KCNH7: variants seen among roughly 807,000 people sequenced by gnomAD.
The protein encoded by KCNH7 is potassium voltage-gated channel subfamily H member 7.
KCNH7 carries 49 observed loss-of-function variants against 120.8 expected under a neutral mutation model. That is an observed-to-expected ratio of 0.41 (90% CI 0.32 to 0.51). KCNH7 has a LOEUF of 0.51. KCNH7 is among the 20% of genes least tolerant of loss of function. The pLI, the probability that KCNH7 is intolerant of heterozygous loss-of-function variation, is 0.38. For missense variants in KCNH7, 1,097 were observed against 1,446.6 expected (o/e 0.76, Z 3.92); for synonymous variants, 547 against 516.1 (o/e 1.06, Z -0.81).
chr2:162,568,846 A>G (rs1266657351), intron 2 of KCNH7, among the ~76,000 whole-genome samples: 1 of 152,036 alleles, frequency 6.6e-6, no homozygotes, highest in Non-Finnish European at 1.5e-5. Flanking sequence ...TAATTTTAAA[A>G]GATGCTATGA....
intron 2 of KCNH7, among the ~76,000 whole-genome samples, chr2:162,561,399 T>C (rs1693058916): frequency 1.3e-5 from 2 of 152,330 alleles, no homozygotes; most frequent in South Asian, 4.1e-4. Flanking sequence ...ATCCTTTGGG[T>C]ATATACCCAG....
intron 6 of KCNH7, among the ~76,000 whole-genome samples, chr2:162,462,264 A>C (rs1558958167): frequency 6.6e-6 from 1 of 152,074 alleles, no homozygotes; most frequent in Non-Finnish European, 1.5e-5. Flanking sequence ...GTGAGCAAGC[A>C]CATACTACTC....
chr2:162,612,714 C>G (rs976767795), intron 2 of KCNH7, among the ~76,000 whole-genome samples: 3 of 151,742 alleles, frequency 2.0e-5, no homozygotes, highest in African/African-American at 7.3e-5. Flanking sequence ...AATTTAGTGA[C>G]TGAGTATATA....
intron 9 of KCNH7, among the ~76,000 whole-genome samples, chr2:162,414,596 A>G (rs1048309006): frequency 2.0e-5 from 3 of 151,948 alleles, no homozygotes; most frequent in Non-Finnish European, 2.9e-5. Context: ...TTTAGATTAA[A>G]TTATGCAACT....
intron 2 of KCNH7, among the ~76,000 whole-genome samples, chr2:162,627,113 A>G (rs887080676): frequency 6.6e-6 from 1 of 152,186 alleles, no homozygotes; most frequent in African/African-American, 2.4e-5. Context: ...ACTGAAGTGT[A>G]TCCTCTCACA....
chr2:162,468,457 G>T (rs538056665), intron 6 of KCNH7, among the ~76,000 whole-genome samples: 3 of 142,252 alleles, frequency 2.1e-5, no homozygotes, highest in African/African-American at 5.2e-5. Flanking sequence ...CTTGGCAGAA[G>T]AATTTAATTT....
chr2:162,785,967 G>A (rs532102017), intron 2 of KCNH7, among the ~76,000 whole-genome samples: 18 of 152,170 alleles, frequency 1.2e-4, no homozygotes, highest in African/African-American at 3.9e-4. Context: ...TATGGGCTGG[G>A]CGCGGTGGCT....
intron 2 of KCNH7, among the ~76,000 whole-genome samples, chr2:162,743,135 C>T (rs752245485): frequency 6.6e-5 from 10 of 152,060 alleles, no homozygotes; most frequent in Non-Finnish European, 4.4e-5. Flanking sequence ...TGCTATATAC[C>T]TCTGTATGAC....
intron 2 of KCNH7, among the ~76,000 whole-genome samples, chr2:162,823,779 T>C (rs1371070941): frequency 1.3e-5 from 2 of 152,152 alleles, no homozygotes; most frequent in African/African-American, 4.8e-5. Flanking sequence ...ACTAAAGTGG[T>C]TAAAAGAGCA....
At chr2:162,654,366 C>T (rs1304842387) in intron 2 of KCNH7, among the ~76,000 whole-genome samples, 1 of 150,582 alleles carries the variant, frequency 6.6e-6, no homozygotes, top group Non-Finnish European at 1.5e-5. Flanking sequence ...CAAAAAAAAA[C>T]ATAGAAATGG....
At chr2:162,557,093 C>T (rs1394829191) in intron 2 of KCNH7, among the ~76,000 whole-genome samples, 1 of 152,148 alleles carries the variant, frequency 6.6e-6, no homozygotes, top group Admixed American at 6.5e-5. Context: ...TGGGTGGTTC[C>T]AGCTTAGATT....
rs376951764 is a variant in KCNH7, at chr2:162,553,529, G to A, written c.308-16449C>T. ...CGGGGTGTGGTGGCGGGCGCCTGTAGTCCCAGCTACTCGGGAGGCTGAGGC... is the reference window on the plus strand; with the variant it reads ...CGGGGTGTGGTGGCGGGCGCCTGTAATCCCAGCTACTCGGGAGGCTGAGGC... On this transcript the variant is annotated intron_variant, in intron 2 of 15. Transcript: ENST00000332142. Among the ~76,000 whole-genome samples, 3 of 152,048 alleles carry A rather than the reference G, an allele frequency of 2.0e-5. No homozygotes were observed. In the East Asian group the frequency reaches 5.8e-4, roughly 29 times the overall value.
chr2:162,784,556 T>A (rs995403899), intron 2 of KCNH7: 3 of 152,178 alleles, frequency 2.0e-5, no homozygotes, highest in Admixed American at 2.0e-4. Context: ...TGTTAAGTGG[T>A]TTTATGTTAA....
At chr2:162,825,177 G>A (rs554723650) in intron 2 of KCNH7, among the ~76,000 whole-genome samples, 1 of 152,066 alleles carries the variant, frequency 6.6e-6, no homozygotes, top group Non-Finnish European at 1.5e-5. Context: ...TGAATGTGAA[G>A]ATCAGTTTTT....
At chr2:162,507,273 C>G (rs1418094057) in intron 5 of KCNH7, among the ~76,000 whole-genome samples, 2 of 151,572 alleles carry the variant, frequency 1.3e-5, no homozygotes, top group East Asian at 3.9e-4. Context: ...TTTGAGTCTT[C>G]TTTACCAGTG....
chr2:162,837,449 G>A (rs542483476), intron 1 of KCNH7, among the ~76,000 whole-genome samples: 19 of 152,258 alleles, frequency 1.2e-4, no homozygotes, highest in African/African-American at 4.3e-4. Context: ...GTTTTCTGTA[G>A]TAGCAGGAAT....
At chr2:162,433,646 T>C (rs1297236992) in intron 8 of KCNH7, among the ~76,000 whole-genome samples, 2 of 152,070 alleles carry the variant, frequency 1.3e-5, no homozygotes, top group Admixed American at 1.3e-4. Context: ...GATTTAAGAT[T>C]GGAATGTAAG....
chr2:162,431,006 C>A (rs990645257), intron 8 of KCNH7, among the ~76,000 whole-genome samples: 1 of 151,894 alleles, frequency 6.6e-6, no homozygotes, highest in Non-Finnish European at 1.5e-5. Flanking sequence ...ATTATACACA[C>A]TTTTAAAATG....
intron 2 of KCNH7, among the ~76,000 whole-genome samples, chr2:162,576,495 A>G (rs532965623): frequency 7.0e-6 from 1 of 143,608 alleles, no homozygotes; most frequent in African/African-American, 2.6e-5. Context: ...TTAAGGCAGA[A>G]AACTTGAGAC....
Sources: gnomAD v4.1 joint callset for allele counts (sites outside exome capture counted in the v4.1 genomes callset) on GRCh38, gnomAD v4.1.1 for gene constraint, MANE v1.5 for transcripts, NCBI Gene and HGNC (gene_info 2026-07-23, HGNC 2026-07-21) for gene names.